Variants in HS6ST3 observed in about 807,000 individuals in gnomAD.
The protein encoded by HS6ST3 is heparan-sulfate 6-O-sulfotransferase 3.
Under a neutral mutation model 36.7 loss-of-function variants are expected in HS6ST3, and 12 were observed. The observed-to-expected ratio is 0.33, with a 90% confidence interval of 0.21 to 0.53. HS6ST3 has a LOEUF of 0.53. Ranked by LOEUF, HS6ST3 falls within the 20% of genes least tolerant of loss-of-function variation. The pLI, the probability that HS6ST3 is intolerant of heterozygous loss-of-function variation, is 0.95. For missense variants in HS6ST3, 584 were observed against 640.9 expected (o/e 0.91, Z 0.96); for synonymous variants, 240 against 257.5 (o/e 0.93, Z 0.65).
At chr13:96,832,071 G>T (rs113013659) in intron 1 of HS6ST3, among the ~76,000 whole-genome samples, 2 of 149,740 alleles carry the variant, frequency 1.3e-5, no homozygotes, top group Non-Finnish European at 3.0e-5. Flanking sequence ...TAACCCTATC[G>T]TATAGAACCC....
At chr13:96,772,568 C>T (rs1320515287) in intron 1 of HS6ST3, among the ~76,000 whole-genome samples, 6 of 152,002 alleles carry the variant, frequency 3.9e-5, no homozygotes, top group East Asian at 1.9e-4. Flanking sequence ...CTAAGGGCAA[C>T]GGTATGAGGA....
rs1432776503 is a variant in HS6ST3, at chr13:96,579,147, A to G, written c.708-253343A>G. Among the ~76,000 whole-genome samples the G allele has an allele frequency of 3.9e-5, 6 of 152,306 alleles. No homozygotes were observed. In the East Asian group the frequency reaches 1.2e-3, roughly 29 times the overall value. On this transcript the variant is annotated intron_variant, in intron 1 of 1. Coordinates refer to ENST00000376705, the MANE Select transcript of HS6ST3 (RefSeq NM_153456.4). Reference sequence around the variant, plus strand: ...ATATATATATTTTACTGTTTATAATAAAAATCATTAATACAAAATAAGTCC... The same window carrying G: ...ATATATATATTTTACTGTTTATAATGAAAATCATTAATACAAAATAAGTCC...
chr13:96,700,680 G>C (rs982234120), intron 1 of HS6ST3, among the ~76,000 whole-genome samples: 2 of 152,126 alleles, frequency 1.3e-5, no homozygotes, highest in Non-Finnish European at 2.9e-5. Flanking sequence ...TTGTCACACT[G>C]TGTCTGGGTC....
intron 1 of HS6ST3, among the ~76,000 whole-genome samples, chr13:96,220,077 C>T (rs546844987): frequency 3.5e-4 from 54 of 152,280 alleles, no homozygotes; most frequent in African/African-American, 1.1e-3. Flanking sequence ...ATGTACCAGG[C>T]GGTTTTTTAG....
rs60662165 is a variant in HS6ST3 at position 96,539,356 on chromosome 13, C to CT, written c.708-293123dup. On this transcript the variant is annotated intron_variant, in intron 1 of 1. Coordinates refer to ENST00000376705, the MANE Select transcript of HS6ST3 (RefSeq NM_153456.4). The stretch of plus-strand genomic sequence containing the variant: ...GCATTTGCACAACTCAGTTTGGACA[C>CT]TTTTTTTTTTTCTTTTTGAGATGGA... 4.5e-3 allele frequency among the ~76,000 whole-genome samples: 661 copies of CT among 147,226 alleles called. 6 individuals are homozygous for CT. Among genetic ancestry groups the CT allele is most frequent in the African/African-American group, 0.014 (581 of 40,378 alleles).
At chr13:96,723,941 C>T (rs1339646249) in intron 1 of HS6ST3, among the ~76,000 whole-genome samples, 2 of 152,040 alleles carry the variant, frequency 1.3e-5, no homozygotes, top group Non-Finnish European at 2.9e-5. Context: ...TTTTAGCTTC[C>T]TCTCTTCCAA....
chr13:96,459,965 C>T (rs540389705), intron 1 of HS6ST3, among the ~76,000 whole-genome samples: 1 of 152,146 alleles, frequency 6.6e-6, no homozygotes, highest in South Asian at 2.1e-4. Context: ...TTGCTTGATT[C>T]TTCTTGTGAG....
intron 1 of HS6ST3, among the ~76,000 whole-genome samples, chr13:96,629,510 G>A (rs528789700): frequency 6.6e-6 from 1 of 152,250 alleles, no homozygotes; most frequent in Admixed American, 6.5e-5. Context: ...AGTATTGTGG[G>A]TGTGGGATCC....
At position 96,091,099 on chromosome 13, in the gene HS6ST3, C is replaced by T. The variant is rs2053760741; in HGVS notation, c.237C>T (p.Pro79=). 3 of 1,358,418 alleles carry T rather than the reference C, an allele frequency of 2.2e-6. No homozygotes were observed. The highest frequency in any genetic ancestry group is 2.8e-6 in the Non-Finnish European group (3 of 1,062,092). The allele number at this position is 1,358,418 out of a possible 1,614,324, so 84.1% of individuals were successfully genotyped here. ...PQLPPPPRGP[P]EGPRGAAAPE... Reference sequence around the variant, plus strand: ...TGCCCCCGCCGCCCCGGGGGCCCCCCGAGGGACCTCGGGGGGCCGCGGCGC... The same window carrying T: ...TGCCCCCGCCGCCCCGGGGGCCCCCTGAGGGACCTCGGGGGGCCGCGGCGC... Residue 79 remains proline, a synonymous_variant, in exon 1 of 2, where the codon CCC becomes CCT. Coordinates refer to ENST00000376705, the MANE Select transcript of HS6ST3 (RefSeq NM_153456.4).
intron 1 of HS6ST3, among the ~76,000 whole-genome samples, chr13:96,713,255 T>A (rs1875606975): frequency 6.6e-6 from 1 of 152,212 alleles, no homozygotes; most frequent in African/African-American, 2.4e-5. Context: ...TTCAAAACCA[T>A]TGATTGCCAT....
chr13:96,565,696 G>A (rs555393442), intron 1 of HS6ST3, among the ~76,000 whole-genome samples: 2 of 152,236 alleles, frequency 1.3e-5, no homozygotes, highest in African/African-American at 4.8e-5. Flanking sequence ...CCAAAGGAGA[G>A]ACTTTAAGGT....
intron 1 of HS6ST3, among the ~76,000 whole-genome samples, chr13:96,754,848 A>G (rs1443728916): frequency 6.6e-6 from 1 of 152,068 alleles, no homozygotes; most frequent in Non-Finnish European, 1.5e-5. Context: ...AGTTCTCTTC[A>G]TATAATATCA....
At chr13:96,773,472 A>G in intron 1 of HS6ST3, among the ~76,000 whole-genome samples, 1 of 152,144 alleles carries the variant, frequency 6.6e-6, no homozygotes, top group East Asian at 1.9e-4. Flanking sequence ...TCGACCTGGG[A>G]CACTCGAGCT....
chr13:96,460,104 GAT>G (rs1462218889), intron 1 of HS6ST3, among the ~76,000 whole-genome samples: 1 of 152,162 alleles, frequency 6.6e-6, no homozygotes, highest in Non-Finnish European at 1.5e-5. Context: ...ATAGAGCAAA[GAT>G]ATACACAACA....
At chr13:96,415,576 A>AC (rs1008709220) in intron 1 of HS6ST3, among the ~76,000 whole-genome samples, 1 of 152,206 alleles carries the variant, frequency 6.6e-6, no homozygotes, top group Non-Finnish European at 1.5e-5. Context: ...GGGAAATAAG[A>AC]CCAGCTTGCA....
chr13:96,629,294 A>G (rs564530618), intron 1 of HS6ST3, among the ~76,000 whole-genome samples: 1 of 152,320 alleles, frequency 6.6e-6, no homozygotes, highest in Non-Finnish European at 1.5e-5. Context: ...TGTCTTATAC[A>G]TCAATGTTTC....
rs1017479045 is a variant in HS6ST3 at position 96,802,769 on chromosome 13, C to G, written c.708-29721C>G. Among the ~76,000 whole-genome samples, 4 of 152,148 alleles carry G rather than the reference C, an allele frequency of 2.6e-5. No individual in the cohort carries two copies. In the East Asian group the frequency reaches 7.7e-4, roughly 29 times the overall value. On this transcript the variant is annotated intron_variant, in intron 1 of 1. Transcript: ENST00000376705. The stretch of plus-strand genomic sequence containing the variant: ...AAATTCCCCTTGGATTCCCCGTGAC[C>G]CAGATGCCCTGTGCTGGTCTCACTT...
At chr13:96,173,477 G>T (rs2054197862) in intron 1 of HS6ST3, among the ~76,000 whole-genome samples, 2 of 152,092 alleles carry the variant, frequency 1.3e-5, no homozygotes, top group Non-Finnish European at 1.5e-5. Context: ...TCTATAAAGA[G>T]CTTGAGAGCT....
At chr13:96,312,297 G>C (rs1167527413) in intron 1 of HS6ST3, among the ~76,000 whole-genome samples, 1 of 152,112 alleles carries the variant, frequency 6.6e-6, no homozygotes, top group African/African-American at 2.4e-5. Context: ...TGAATTATGA[G>C]TTATTTATAT....
Sources: gnomAD v4.1 joint callset for allele counts (sites outside exome capture counted in the v4.1 genomes callset) on GRCh38, gnomAD v4.1.1 for gene constraint, MANE v1.5 for transcripts, NCBI Gene and HGNC (gene_info 2026-07-23, HGNC 2026-07-21) for gene names.